KAT5: variants seen among roughly 807,000 people sequenced by gnomAD.
The protein encoded by KAT5 is histone acetyltransferase KAT5.
In KAT5, 31 loss-of-function variants were observed where a neutral mutation model predicts 68.1. The observed-to-expected ratio is 0.46, with a 90% confidence interval of 0.34 to 0.61. The LOEUF is 0.61. KAT5 is among the 20% of genes least tolerant of loss of function. The pLI is 0.01. For missense variants in KAT5, 451 were observed against 725.5 expected, an observed-to-expected ratio of 0.62 and a Z score of 4.35; for synonymous variants, 365 against 292.6, an observed-to-expected ratio of 1.25 and a Z score of -2.52.
chr11:65,714,625 G>A lies in KAT5; in HGVS notation c.821G>A (p.Arg274His), dbSNP rs1237543315. The A allele has an allele frequency of 2.4e-5, 38 of 1,614,060 alleles. No individual in the cohort carries two copies. Among genetic ancestry groups the A allele is most frequent in the Non-Finnish European group, 3.1e-5 (37 of 1,180,044 alleles). Residue 274 changes from arginine to histidine, a missense_variant, in exon 7 of 13, where the codon CGC becomes CAC. Around this residue, in one of 4 missense-constraint regions of KAT5, gnomAD observed 210 missense variants for 423.7 expected, o/e 0.50. Coordinates refer to ENST00000341318, the MANE Select transcript of KAT5 (RefSeq NM_182710.3). ...NIECIELGRH[R>H]LKPWYFSPYP... ...GAGTGCATTGAGCTGGGCCGGCACC[G>A]CCTCAAGCCGTGGTACTTCTCCCCG...
rs1857197864 is a variant in KAT5, at chr11:65,716,433, G to A, written c.1030-234G>A. 7.2e-6 allele frequency: 4 copies of A among 555,556 alleles called. No individual in the cohort carries two copies. In the South Asian group the frequency reaches 8.7e-5, roughly 12 times the overall value. The allele number at this position is 555,556 out of a possible 1,614,324, so 34.4% of individuals were successfully genotyped here. A position where few individuals can be genotyped will look rare whatever the true frequency, so the allele number is the denominator to read the frequency against. ...CAAGGCGGGAAACTTGCCTGACTGA[G>A]CAGGGAGGCACTCAGACACCATCAC... is the stretch of plus-strand genomic sequence containing the variant. On this transcript the variant is annotated intron_variant, in intron 8 of 12. Transcript: ENST00000341318.
In KAT5 at chr11:65,712,965, C is replaced by G; in HGVS notation, c.291C>G (p.Asp97Glu). 1 of 1,614,070 alleles carries G rather than the reference C, an allele frequency of 6.2e-7. No homozygotes were observed. ...AATGGGTGACGCATGAGCGGCTGGA[C>G]CTAAAGAAGATCCAGTTCCCCAAGA... The part of the protein sequence containing the change: ...LDEWVTHERL[D>E]LKKIQFPKKE... The change falls in exon 3 of 13, where the codon GAC becomes GAG. Residue 97 changes from aspartate (D) to glutamate (E), a missense_variant. Transcript: ENST00000341318.
At chr11:65,712,173 C>T (rs1857038501), upstream of KAT5, 2 of 1,279,318 alleles carry the variant, frequency 1.6e-6, no homozygotes, top group Non-Finnish European at 2.1e-6. Flanking sequence ...AGGTCCCCCT[C>T]TACAGGGGCT....
At position 65,713,384 on chromosome 11, in the gene KAT5, A is replaced by G. The variant is rs201410482; in HGVS notation, c.421A>G (p.Ile141Val). The change falls in exon 4 of 13, where the codon ATC becomes GTC. Residue 141 changes from isoleucine to valine, a missense_variant. Transcript: ENST00000341318. ...GCAGGCCAGCGGGAAGACCTTGCCA[A>G]TCCCGGTCCAGATCACACTCCGCTT... ...SAQASGKTLP[I>V]PVQITLRFNL... 4.7e-5 allele frequency: 76 copies of G among 1,613,570 alleles called. No individual in the cohort carries two copies. The highest frequency in any genetic ancestry group is 1.1e-4 in the East Asian group (5 of 44,872).
Position 65,719,566 on chromosome 11 carries a change from C to A in KAT5, c.*385C>A. On this transcript the variant is annotated 3_prime_UTR_variant, in exon 13 of 13. Coordinates refer to ENST00000341318, the MANE Select transcript of KAT5 (RefSeq NM_182710.3). The stretch of plus-strand genomic sequence containing the variant: ...CTGCAAAAATTTCTGGCTTCTCTTA[C>A]CCCTATTGCCCCCGGCAATAAATTG... 1.6e-6 allele frequency: 1 copy of A among 639,010 alleles called. No homozygotes were observed. Among genetic ancestry groups the A allele is most frequent in the Non-Finnish European group, 2.8e-6 (1 of 362,318 alleles). The allele number at this position is 639,010 out of a possible 1,614,324, so 39.6% of individuals were successfully genotyped here. A position where few individuals can be genotyped will look rare whatever the true frequency, so the allele number is the denominator to read the frequency against.
Position 65,719,247 on chromosome 11 carries a change from C to G in KAT5, c.*66C>G, listed in dbSNP as rs867312196. The G allele has an allele frequency of 1.2e-5, 19 of 1,561,926 alleles. No individual in the cohort carries two copies. In the Middle Eastern group the frequency reaches 1.1e-3, roughly 92 times the overall value. On this transcript the variant is annotated 3_prime_UTR_variant, in exon 13 of 13. Transcript: ENST00000341318. ...TGGGGCTGATAGCCCACCCCGCCCCCACTGCAGCTCCCACAAAGCACTCTA... is the reference window on the plus strand; with the variant it reads ...TGGGGCTGATAGCCCACCCCGCCCCGACTGCAGCTCCCACAAAGCACTCTA...
At position 65,718,856 on chromosome 11, in the gene KAT5, C is replaced by T; in HGVS notation, c.1425-17C>T. The T allele has an allele frequency of 6.2e-7, 1 of 1,613,998 alleles. No individual in the cohort carries two copies. The highest frequency in any genetic ancestry group is 8.5e-7 in the Non-Finnish European group (1 of 1,179,866). On this transcript the variant is annotated splice_polypyrimidine_tract_variant and intron_variant, in intron 11 of 12. Coordinates refer to ENST00000341318, the MANE Select transcript of KAT5 (RefSeq NM_182710.3). ...AGATAAAGGTCCTCAGGGAACCTGA[C>T]CTGTGCTCTCCCACAGTGAGATTAG...
At chr11:65,712,478 C>T (rs760125975) in intron 1 of KAT5, 33 bp downstream of exon 1, 10 of 1,572,334 alleles carry the variant, frequency 6.4e-6, no homozygotes, top group Non-Finnish European at 8.6e-6. Flanking sequence ...ACTAAGGAAC[C>T]TGAGGGCGAG....
At chr11:65,717,351 T>G in intron 10 of KAT5, 1 of 334,394 alleles carries the variant, frequency 3.0e-6, no homozygotes, top group Non-Finnish European at 5.7e-6. Flanking sequence ...CAGTGGCTAA[T>G]GTCCCCAGTT....
At chr11:65,718,826 G>A (rs1328888739) in intron 11 of KAT5, 47 bp from the exon 12 acceptor site, 1 of 1,612,674 alleles carries the variant, frequency 6.2e-7, no homozygotes, top group East Asian at 2.2e-5. Context: ...AGGGCTCCTG[G>A]GGACAGATAA....
At position 65,716,671 on chromosome 11, in the gene KAT5, A is replaced by T. The variant is rs758614723; in HGVS notation, c.1034A>T (p.Tyr345Phe). ...GACAAGCCTTTTCTCTTGCAGAGTT[A>T]TTCCCAGAACCTGTGTCTTTTGGCC... The part of the protein sequence containing the change: ...FEIDGRKNKS[Y>F]SQNLCLLAKC... Residue 345 changes from tyrosine (Y) to phenylalanine (F), a missense_variant, in exon 9 of 13, where the codon TAT becomes TTT. Physicochemically the swap from Tyr to Phe is conservative, Grantham distance 22. Coordinates refer to ENST00000341318, the MANE Select transcript of KAT5 (RefSeq NM_182710.3). 6.2e-7 allele frequency: 1 copy of T among 1,613,988 alleles called. No individual in the cohort carries two copies. Among genetic ancestry groups the T allele is most frequent in the East Asian group, 2.2e-5 (1 of 44,886 alleles).
intron 10 of KAT5, chr11:65,718,067 G>A (rs1192594911): frequency 6.5e-6 from 1 of 154,274 alleles, no homozygotes; most frequent in Non-Finnish European, 1.4e-5. Flanking sequence ...CCCGACTTAG[G>A]AAGCACCTTG....
At chr11:65,716,336 G>A (rs779202526) in intron 8 of KAT5, 9 of 282,558 alleles carry the variant, frequency 3.2e-5, no homozygotes, top group East Asian at 2.2e-4. Flanking sequence ...ACATTAGTTC[G>A]TTGGCTGCTG....
At chr11:65,717,099 C>G in intron 10 of KAT5, 117 bp downstream of exon 10, 1 of 759,190 alleles carries the variant, frequency 1.3e-6, no homozygotes, top group Non-Finnish European at 2.3e-6. Flanking sequence ...TCTAGGGGAA[C>G]CAGCCAGAAA....
In KAT5 at chr11:65,719,324, GGCCCACTGGTGCCCAGCA is replaced by G. The variant is rs1219956694; in HGVS notation, c.*144_*161del. On this transcript the variant is annotated 3_prime_UTR_variant, in exon 13 of 13. Coordinates refer to ENST00000341318, the MANE Select transcript of KAT5 (RefSeq NM_182710.3). ...AAAAGGAGAGGACAGGCCTGGCAGG[GGCCCACTGGTGCCCAGCA>G]CCAAGGCGAGCTCCGGGCTCAGACC... The G allele has an allele frequency of 4.1e-5, 43 of 1,048,404 alleles. No individual in the cohort carries two copies. Among genetic ancestry groups the G allele is most frequent in the Non-Finnish European group, 5.3e-5 (39 of 741,972 alleles). 64.9% of individuals were successfully genotyped at this position (1,048,404 alleles called of 1,614,324 possible). A position where few individuals can be genotyped will look rare whatever the true frequency, so the allele number is the denominator to read the frequency against.
intron 10 of KAT5, chr11:65,717,264 T>C (rs988625330): frequency 2.2e-5 from 12 of 538,036 alleles, no homozygotes; most frequent in Non-Finnish European, 4.0e-5. Flanking sequence ...CCTGGAGCCA[T>C]GGGCAGAAGG....
chr11:65,719,364 G>A lies in KAT5; in HGVS notation c.*183G>A. ...AGCACCAAGGCGAGCTCCGGGCTCA[G>A]ACCAACTCCAAGGTCAGCTGGCCAC... is the stretch of plus-strand genomic sequence containing the variant. On this transcript the variant is annotated 3_prime_UTR_variant, in exon 13 of 13. Coordinates refer to ENST00000341318, the MANE Select transcript of KAT5 (RefSeq NM_182710.3). 1.4e-6 allele frequency: 1 copy of A among 739,396 alleles called. No individual in the cohort carries two copies. The highest frequency in any genetic ancestry group is 2.2e-6 in the Non-Finnish European group (1 of 463,764). 45.8% of individuals were successfully genotyped at this position (739,396 alleles called of 1,614,324 possible). A position where few individuals can be genotyped will look rare whatever the true frequency, so the allele number is the denominator to read the frequency against.
chr11:65,719,511 A>T lies in KAT5; in HGVS notation c.*330A>T. On this transcript the variant is annotated 3_prime_UTR_variant, in exon 13 of 13. Coordinates refer to ENST00000341318, the MANE Select transcript of KAT5 (RefSeq NM_182710.3). ...GTGATTGTAAAAATTTCTTTTGTAA[A>T]GTAGAAGTTGGGGGTGGGGTGGGTG... The T allele has an allele frequency of 1.6e-6, 1 of 611,366 alleles. No homozygotes were observed. Among genetic ancestry groups the T allele is most frequent in the East Asian group, 2.7e-5 (1 of 36,508 alleles). 37.9% of individuals were successfully genotyped at this position (611,366 alleles called of 1,614,324 possible).
intron 1 of KAT5, 114 bp downstream of exon 1, chr11:65,712,559 A>G: frequency 7.4e-7 from 1 of 1,342,630 alleles, no homozygotes; most frequent in Non-Finnish European, 1.0e-6. Context: ...AGGCGCAGAT[A>G]CTTTGATGAA....
Sources: allele counts gnomAD v4.1 joint callset, GRCh38; gene constraint gnomAD v4.1.1; regional missense constraint gnomAD v4.1.1; transcripts MANE v1.5; gene names NCBI Gene and HGNC (gene_info 2026-07-23, HGNC 2026-07-21).